The following FRMPD4 variants were observed in gnomAD, a reference collection of about 807,000 sequenced individuals.
The protein encoded by FRMPD4 is FERM and PDZ domain-containing protein 4.
Under a neutral mutation model 94.1 loss-of-function variants are expected in FRMPD4, and 22 were observed. The ratio of observed to expected loss-of-function variants is 0.23; its 90% CI spans 0.17 to 0.33. The LOEUF (loss-of-function observed/expected upper bound fraction) is 0.33, where lower values mean the gene tolerates loss of function less well. FRMPD4 is among the 10% of genes least tolerant of loss of function. The pLI is 1.00. For synonymous variants in FRMPD4, 631 were observed against 548.6 expected (o/e 1.15, Z -2.10); for missense variants, 1,111 against 1,339.9 (o/e 0.83, Z 2.67).
Position 12,714,845 on chromosome X carries a change from T to C in FRMPD4, c.1610-1224T>C, listed in dbSNP as rs747013307. Among the ~76,000 whole-genome samples, 4 of 112,243 alleles carry C rather than the reference T, an allele frequency of 3.6e-5. No homozygotes were observed. In the East Asian group the frequency reaches 1.1e-3, roughly 31 times the overall value. On this transcript the variant is annotated intron_variant, in intron 14 of 16. Transcript: ENST00000675598. ...ACCCCCACAAGGTTTATTTATTGTA[T>C]GGTAAGATGCAAATATGGCCAGTGT...
At chrX:12,379,643 G>A (rs1174780661) in intron 1 of FRMPD4, among the ~76,000 whole-genome samples, 2 of 12,451 alleles carry the variant, frequency 1.6e-4, no homozygotes, top group Admixed American at 1.7e-3. Flanking sequence ...ATATGCTGCC[G>A]TGTGTGTGTG....
chrX:12,175,834 T>C (rs2056287556), intron 1 of FRMPD4, among the ~76,000 whole-genome samples: 1 of 111,762 alleles, frequency 8.9e-6, no homozygotes, highest in Non-Finnish European at 1.9e-5. Flanking sequence ...TTTTAACAAG[T>C]CCTTCAAGTG....
intron 1 of FRMPD4, among the ~76,000 whole-genome samples, chrX:12,365,558 G>A (rs1318693293): frequency 1.8e-5 from 2 of 111,512 alleles, no homozygotes; most frequent in African/African-American, 6.5e-5. Flanking sequence ...CCAAGTGCTG[G>A]GGCCTTCCCA....
At chrX:12,182,182 C>T (rs1442120726) in intron 1 of FRMPD4, among the ~76,000 whole-genome samples, 2 of 111,378 alleles carry the variant, frequency 1.8e-5, no homozygotes, top group East Asian at 5.7e-4. Flanking sequence ...AAAATGGATG[C>T]AGGGTAGTCC....
At chrX:12,491,377 AT>A (rs988222303) in intron 1 of FRMPD4, among the ~76,000 whole-genome samples, 13 of 111,833 alleles carry the variant, frequency 1.2e-4, no homozygotes, top group Admixed American at 1.0e-3. Flanking sequence ...ATGCACACAG[AT>A]TTTTTTTACA....
At chrX:11,899,559 C>T (rs187877161) in intron 3 of FRMPD4, among the ~76,000 whole-genome samples, 18 of 111,291 alleles carry the variant, frequency 1.6e-4, no homozygotes, top group Admixed American at 7.6e-4. Context: ...TAGCCATAGA[C>T]GCTGAGTCCC....
At chrX:12,039,972 A>T (rs2054743419) in intron 3 of FRMPD4, among the ~76,000 whole-genome samples, 2 of 104,890 alleles carry the variant, frequency 1.9e-5, no homozygotes, top group Admixed American at 1.0e-4. Context: ...TTTGTCAAAA[A>T]AAAAAAAAAA....
At chrX:12,040,611 G>T (rs1466862749) in intron 3 of FRMPD4, among the ~76,000 whole-genome samples, 5 of 90,101 alleles carry the variant, frequency 5.5e-5, no homozygotes, top group African/African-American at 2.1e-4. Flanking sequence ...CCAGGCTGGA[G>T]TGCAATGGTG....
intron 1 of FRMPD4, among the ~76,000 whole-genome samples, chrX:12,156,518 G>A (rs1478955411): frequency 5.4e-5 from 6 of 111,723 alleles, no homozygotes; most frequent in African/African-American, 1.6e-4. Context: ...AGTGGTTGCC[G>A]TAATGGGGAA....
At chrX:12,652,794 TA>T (rs1337911076) in intron 4 of FRMPD4, among the ~76,000 whole-genome samples, 1 of 111,508 alleles carries the variant, frequency 9.0e-6, no homozygotes, top group Non-Finnish European at 1.9e-5. Context: ...CACAAGGCAA[TA>T]CAGAGCAGGA....
intron 3 of FRMPD4, among the ~76,000 whole-genome samples, chrX:11,985,525 A>G (rs1007971871): frequency 8.9e-6 from 1 of 111,843 alleles, no homozygotes; most frequent in Non-Finnish European, 1.9e-5. Flanking sequence ...GCAGAGGAAA[A>G]AGTAAAGGGG....
intron 4 of FRMPD4, among the ~76,000 whole-genome samples, chrX:12,667,388 T>A (rs746571003): frequency 8.9e-6 from 1 of 112,494 alleles, no homozygotes; most frequent in Non-Finnish European, 1.9e-5. Context: ...TTGATTCCCA[T>A]GATGACTGTT....
chrX:12,328,840 G>T (rs1349203070), intron 1 of FRMPD4, among the ~76,000 whole-genome samples: 1 of 111,677 alleles, frequency 9.0e-6, no homozygotes, highest in Non-Finnish European at 1.9e-5. Flanking sequence ...CCGGTATAGG[G>T]CTTATACAGT....
chrX:12,273,062 G>A (rs916719478), intron 1 of FRMPD4, among the ~76,000 whole-genome samples: 1 of 106,541 alleles, frequency 9.4e-6, no homozygotes, highest in Non-Finnish European at 1.9e-5. Context: ...GGGTGACAGA[G>A]CAAGACTTGG....
In FRMPD4 at chrX:12,305,725, G is replaced by GTTTTTTT. The variant is rs58794898; in HGVS notation, c.41+166729_41+166735dup. ...GGCATGTACCACCACAGCTGGCTAA[G>GTTTTTTT]TTTTTTTTTTTTTTTTTTTTTTACA... On this transcript the variant is annotated intron_variant, in intron 1 of 16. Transcript: ENST00000675598. 7.2e-3 allele frequency among the ~76,000 whole-genome samples: 427 copies of GTTTTTTT among 59,663 alleles called. 33 individuals are homozygous for GTTTTTTT. Among genetic ancestry groups the GTTTTTTT allele is most frequent in the African/African-American group, 0.015 (202 of 13,220 alleles). The allele number at this position is 59,663 out of a possible 115,157, so 51.8% of individuals were successfully genotyped here. A position where few individuals can be genotyped will look rare whatever the true frequency, so the allele number is the denominator to read the frequency against.
chrX:12,128,370 A>G, intron 3 of FRMPD4, among the ~76,000 whole-genome samples: 1 of 101,942 alleles, frequency 9.8e-6, no homozygotes, highest in South Asian at 4.5e-4. Flanking sequence ...GGCCTGAGCT[A>G]TACCTTGACC....
intron 2 of FRMPD4, among the ~76,000 whole-genome samples, chrX:12,540,872 A>C (rs2058401866): frequency 8.9e-6 from 1 of 111,920 alleles, no homozygotes; most frequent in South Asian, 3.8e-4. Flanking sequence ...TAAAAAACGG[A>C]AATTATAACA....
intron 2 of FRMPD4, among the ~76,000 whole-genome samples, chrX:12,524,951 C>G (rs111842015): frequency 3.6e-5 from 4 of 111,275 alleles, no homozygotes; most frequent in Non-Finnish European, 7.5e-5. Context: ...AAATGTTTTG[C>G]GATTCTTTTT....
intron 3 of FRMPD4, among the ~76,000 whole-genome samples, chrX:12,011,578 G>A (rs1363947835): frequency 8.9e-6 from 1 of 111,829 alleles, no homozygotes. Flanking sequence ...AAGCAACCTT[G>A]AAGTACTGGC....
Sources: allele counts gnomAD v4.1 joint callset (sites outside exome capture counted in the v4.1 genomes callset), GRCh38; gene constraint gnomAD v4.1.1; transcripts MANE v1.5; gene names NCBI Gene and HGNC (gene_info 2026-07-23, HGNC 2026-07-21).